CCDC171: variants seen among roughly 807,000 people sequenced by gnomAD.
CCDC171 encodes coiled-coil domain-containing protein 171.
Under a neutral mutation model 168.2 loss-of-function variants are expected in CCDC171, and 177 were observed. That is an observed-to-expected ratio of 1.05 (90% confidence interval 0.93 to 1.19). CCDC171 has a LOEUF of 1.19. CCDC171 is among the 50% of genes most tolerant of loss of function. The pLI, the probability that CCDC171 is intolerant of heterozygous loss-of-function variation, is 0.00. For synonymous variants in CCDC171, 687 were observed against 540.8 expected (o/e 1.27, Z -3.75); for missense variants, 1,991 against 1,539.0 (o/e 1.29, Z -4.91).
At chr9:15,800,728 G>C (rs1239438997) in intron 21 of CCDC171, among the ~76,000 whole-genome samples, 1 of 152,026 alleles carries the variant, frequency 6.6e-6, no homozygotes, top group Non-Finnish European at 1.5e-5. Context: ...TTTTCTTGTA[G>C]TAGTTTTATA....
At chr9:15,920,138 C>G (rs1001681683) in intron 24 of CCDC171, 132 bp from the exon 25 acceptor site, 1 of 516,216 alleles carries the variant, frequency 1.9e-6, no homozygotes, top group African/African-American at 1.9e-5. Context: ...TTAGGTTTAG[C>G]TTTATTATTT....
chr9:15,812,482 A>G (rs573161934), intron 21 of CCDC171, among the ~76,000 whole-genome samples: 5 of 152,328 alleles, frequency 3.3e-5, no homozygotes, highest in East Asian at 3.9e-4. Context: ...ATTGCCTTAT[A>G]GTCTTTTAAC....
chr9:15,904,713 A>C (rs1213365664), intron 24 of CCDC171, among the ~76,000 whole-genome samples: 1 of 152,172 alleles, frequency 6.6e-6, no homozygotes, highest in Admixed American at 6.5e-5. Flanking sequence ...TCCAATTAAA[A>C]GACACAGACT....
At chr9:15,810,199 T>C (rs1401624644) in intron 21 of CCDC171, among the ~76,000 whole-genome samples, 1 of 152,138 alleles carries the variant, frequency 6.6e-6, no homozygotes, top group Non-Finnish European at 1.5e-5. Flanking sequence ...CCAGATTAGC[T>C]AGATACAGAG....
At chr9:15,745,106 T>A (rs915490631) in intron 17 of CCDC171, among the ~76,000 whole-genome samples, 1 of 152,238 alleles carries the variant, frequency 6.6e-6, no homozygotes, top group Non-Finnish European at 1.5e-5. Context: ...ACTGCCCTGT[T>A]TCAAATTACC....
chr9:15,857,572 A>G (rs544826685), intron 23 of CCDC171, among the ~76,000 whole-genome samples: 1 of 151,928 alleles, frequency 6.6e-6, no homozygotes, highest in Non-Finnish European at 1.5e-5. Context: ...ACAGTAATAC[A>G]CCACCATGAC....
chr9:15,898,403 G>A (rs927663781), intron 24 of CCDC171, among the ~76,000 whole-genome samples: 3 of 152,118 alleles, frequency 2.0e-5, no homozygotes, highest in African/African-American at 7.2e-5. Flanking sequence ...AGAATAGCTG[G>A]TGTTGCTATC....
intron 1 of CCDC171, among the ~76,000 whole-genome samples, chr9:16,056,752 T>C (rs1317811431): frequency 6.6e-6 from 1 of 152,222 alleles, no homozygotes; most frequent in Non-Finnish European, 1.5e-5. Flanking sequence ...TTTCCCAAAG[T>C]GCTCGGATTA....
At chr9:16,031,544 A>C (rs1833363880) in intron 6 of CCDC171, among the ~76,000 whole-genome samples, 1 of 152,172 alleles carries the variant, frequency 6.6e-6, no homozygotes, top group East Asian at 1.9e-4. Flanking sequence ...TCTCTCTAAA[A>C]AACCAAGTTG....
At chr9:15,911,640 G>T (rs929994564) in intron 24 of CCDC171, among the ~76,000 whole-genome samples, 15 of 152,170 alleles carry the variant, frequency 9.9e-5, no homozygotes, top group African/African-American at 3.4e-4. Flanking sequence ...GTCCTGAATG[G>T]TATTGCCTAG....
intron 9 of CCDC171, among the ~76,000 whole-genome samples, chr9:15,672,777 G>T (rs955899845): frequency 6.6e-6 from 1 of 152,158 alleles, no homozygotes; most frequent in African/African-American, 2.4e-5. Flanking sequence ...TTTAAAGTCA[G>T]ATAGCGTGAT....
intron 24 of CCDC171, among the ~76,000 whole-genome samples, chr9:15,916,166 T>C (rs565775065): frequency 6.6e-6 from 1 of 151,912 alleles, no homozygotes; most frequent in Admixed American, 6.6e-5. Context: ...TTTACACCTC[T>C]CAGAAATATT....
intron 18 of CCDC171, among the ~76,000 whole-genome samples, chr9:15,763,226 A>T (rs1211317825): frequency 1.3e-5 from 2 of 152,228 alleles, no homozygotes; most frequent in Non-Finnish European, 2.9e-5. Flanking sequence ...TACCTTCCCA[A>T]TATTGAGGTA....
intron 24 of CCDC171, among the ~76,000 whole-genome samples, chr9:15,905,817 A>G (rs1822495924): frequency 6.6e-6 from 1 of 152,168 alleles, no homozygotes; most frequent in Non-Finnish European, 1.5e-5. Flanking sequence ...TCAAACAGAC[A>G]CAATAAAAAA....
chr9:15,879,623 T>C (rs1818345451), intron 24 of CCDC171, among the ~76,000 whole-genome samples: 1 of 152,162 alleles, frequency 6.6e-6, no homozygotes, highest in Non-Finnish European at 1.5e-5. Flanking sequence ...TAATAACATA[T>C]CTTTCTTGTC....
intron 24 of CCDC171, among the ~76,000 whole-genome samples, chr9:15,918,303 A>T (rs1366293974): frequency 1.3e-5 from 2 of 151,642 alleles, no homozygotes; most frequent in African/African-American, 4.8e-5. Context: ...TCTGAGCCTT[A>T]CAACAGTTTT....
chr9:15,745,672 G>T, intron 18 of CCDC171, 41 bp downstream of exon 18: 2 of 1,175,988 alleles, frequency 1.7e-6, no homozygotes, highest in Non-Finnish European at 2.4e-6. Context: ...ATACATTTAA[G>T]AACAAATATC....
intron 6 of CCDC171, among the ~76,000 whole-genome samples, chr9:16,032,404 T>G (rs1415894142): frequency 6.6e-6 from 1 of 152,154 alleles, no homozygotes; most frequent in African/African-American, 2.4e-5. Flanking sequence ...TGTGGAGGAC[T>G]GGCAGGGAGG....
chr9:15,823,948 ATTC>A (rs1188351789), intron 21 of CCDC171, among the ~76,000 whole-genome samples: 1 of 152,130 alleles, frequency 6.6e-6, no homozygotes, highest in African/African-American at 2.4e-5. Context: ...GAAAATATGC[ATTC>A]TTGTTTCTTG....
Sources: allele counts gnomAD v4.1 joint callset (sites outside exome capture counted in the v4.1 genomes callset), GRCh38; gene constraint gnomAD v4.1.1; transcripts MANE v1.5; gene names NCBI Gene and HGNC (gene_info 2026-07-23, HGNC 2026-07-21).